The following NRG1 variants were observed in gnomAD, a reference collection of about 807,000 sequenced individuals.
The protein encoded by NRG1 is pro-neuregulin-1, membrane-bound isoform.
A neutral mutation model predicts 63.8 loss-of-function variants in NRG1; 18 were observed. The observed-to-expected ratio is 0.28, with a 90% confidence interval of 0.19 to 0.42. NRG1 has a LOEUF of 0.42. Ranked by LOEUF, NRG1 falls within the 10% of genes least tolerant of loss-of-function variation. The pLI, the probability that NRG1 is intolerant of heterozygous loss-of-function variation, is 1.00. For missense variants in NRG1, 762 were observed against 814.7 expected, an observed-to-expected ratio of 0.94 and a Z score of 0.79; for synonymous variants, 302 against 301.3, an observed-to-expected ratio of 1.00 and a Z score of -0.02.
chr8:31,735,596 C>A (rs1422712513), intron 1 of NRG1, among the ~76,000 whole-genome samples: 1 of 152,146 alleles, frequency 6.6e-6, no homozygotes, highest in East Asian at 1.9e-4. Flanking sequence ...TTTCATCAGA[C>A]TATTAGTTTT....
chr8:31,662,819 A>G (rs535529567), intron 1 of NRG1, among the ~76,000 whole-genome samples: 1 of 152,290 alleles, frequency 6.6e-6, no homozygotes, highest in East Asian at 1.9e-4. Context: ...CATACCAAGA[A>G]CTTATTGTTG....
chr8:32,048,402 T>C (rs1284446593), intron 1 of NRG1, among the ~76,000 whole-genome samples: 1 of 147,546 alleles, frequency 6.8e-6, no homozygotes, highest in African/African-American at 2.5e-5. Context: ...TACATGTACA[T>C]GAATATGAAT....
intron 5 of NRG1, chr8:32,647,661 G>T (rs146169905): frequency 2.0e-6 from 3 of 1,500,176 alleles, no homozygotes; most frequent in African/African-American, 2.8e-5. Flanking sequence ...GGTTGGGGGG[G>T]CCTCTGCGTG....
intron 1 of NRG1, among the ~76,000 whole-genome samples, chr8:32,317,619 C>A (rs778567620): frequency 1.3e-5 from 2 of 152,142 alleles, no homozygotes; most frequent in Non-Finnish European, 2.9e-5. Flanking sequence ...ATTGTTTTGG[C>A]ATGAGGGTTA....
At chr8:32,151,524 G>A (rs1046349633) in intron 1 of NRG1, among the ~76,000 whole-genome samples, 1 of 152,124 alleles carries the variant, frequency 6.6e-6, no homozygotes, top group African/African-American at 2.4e-5. Flanking sequence ...ATGAAGGTCA[G>A]GGCAGTGGAA....
intron 1 of NRG1, among the ~76,000 whole-genome samples, chr8:32,011,910 T>G (rs1814823277): frequency 6.6e-6 from 1 of 152,114 alleles, no homozygotes; most frequent in South Asian, 2.1e-4. Flanking sequence ...TGACAGTCAG[T>G]GGCAGCTAGA....
At chr8:31,799,774 AT>A (rs1821582450) in intron 1 of NRG1, among the ~76,000 whole-genome samples, 1 of 152,062 alleles carries the variant, frequency 6.6e-6, no homozygotes, top group South Asian at 2.1e-4. Flanking sequence ...ATACATATAT[AT>A]GTTTTTTGTT....
At chr8:32,098,934 C>T (rs1830216420) in intron 1 of NRG1, 1 of 152,160 alleles carries the variant, frequency 6.6e-6, no homozygotes, top group African/African-American at 2.4e-5. Context: ...TTTGTAAAGG[C>T]AGTGAGCAGG....
chr8:32,057,505 C>T (rs1823137821), intron 1 of NRG1, among the ~76,000 whole-genome samples: 1 of 152,088 alleles, frequency 6.6e-6, no homozygotes, highest in South Asian at 2.1e-4. Context: ...TAATATGGGC[C>T]ACTGGGTGTG....
At chr8:31,733,764 A>G (rs1425947660) in intron 1 of NRG1, among the ~76,000 whole-genome samples, 1 of 152,104 alleles carries the variant, frequency 6.6e-6, no homozygotes. Flanking sequence ...GGTTCTGTAC[A>G]TGTCACAGTT....
intron 1 of NRG1, among the ~76,000 whole-genome samples, chr8:32,297,170 C>G (rs1392964372): frequency 6.6e-6 from 1 of 151,932 alleles, no homozygotes; most frequent in Non-Finnish European, 1.5e-5. Context: ...TGTGTCCTGC[C>G]TTTTTGTATT....
chr8:32,548,064 G>C (rs942015446), upstream of NRG1: 1 of 298,484 alleles, frequency 3.4e-6, no homozygotes, highest in Non-Finnish European at 5.0e-6. Flanking sequence ...GACCCCTGTC[G>C]GGGGTTCCCG....
At chr8:31,770,770 CATATAT>C (rs4036035) in intron 1 of NRG1, among the ~76,000 whole-genome samples, 6,575 of 140,314 alleles carry the variant, frequency 0.047, 226 homozygotes, top group South Asian at 0.16. Context: ...GTATAATAAA[CATATAT>C]ATATATATAT....
At chr8:32,417,954 T>C (rs1167364728) in intron 1 of NRG1, among the ~76,000 whole-genome samples, 1 of 152,188 alleles carries the variant, frequency 6.6e-6, no homozygotes, top group Non-Finnish European at 1.5e-5. Context: ...AGCAACTATA[T>C]TGTCCTTATC....
At chr8:31,727,654 G>A (rs1813582774) in intron 1 of NRG1, among the ~76,000 whole-genome samples, 1 of 152,058 alleles carries the variant, frequency 6.6e-6, no homozygotes, top group Non-Finnish European at 1.5e-5. Flanking sequence ...CACTGGCCAC[G>A]TTCAGTAGCC....
At chr8:32,604,578 TA>T (rs940193423) in intron 2 of NRG1, among the ~76,000 whole-genome samples, 2 of 152,074 alleles carry the variant, frequency 1.3e-5, no homozygotes, top group Non-Finnish European at 2.9e-5. Context: ...TTTTTGGAGA[TA>T]GGGGTCTCAC....
At chr8:32,614,527 T>A (rs79277882) in exon 4 of NRG1, 7 of 1,612,678 alleles carry the variant, frequency 4.3e-6, no homozygotes, top group Non-Finnish European at 5.1e-6. Context: ...TCATCACTGG[T>A]ATGCCAGCCT....
intron 1 of NRG1, among the ~76,000 whole-genome samples, chr8:32,552,858 A>G (rs2129524779): frequency 6.6e-6 from 1 of 152,384 alleles, no homozygotes; most frequent in East Asian, 1.9e-4. Flanking sequence ...AAAAAATATT[A>G]GACAAACATG....
chr8:31,768,684 C>T (rs561605255), intron 1 of NRG1, among the ~76,000 whole-genome samples: 65 of 152,324 alleles, frequency 4.3e-4, no homozygotes, highest in African/African-American at 1.4e-3. Context: ...CCTTATTCTT[C>T]AAGATACTGA....
Sources: gnomAD v4.1 joint callset for allele counts (sites outside exome capture counted in the v4.1 genomes callset) on GRCh38, gnomAD v4.1.1 for gene constraint, MANE v1.5 for transcripts, NCBI Gene and HGNC (gene_info 2026-07-23, HGNC 2026-07-21) for gene names.